The following ANK3 variants were observed in gnomAD, a reference collection of about 807,000 sequenced individuals.
ANK3 encodes the protein ankyrin-3.
ANK3 carries 57 observed loss-of-function variants against 370.9 expected under a neutral mutation model. That is an observed-to-expected ratio of 0.15 (90% CI 0.12 to 0.19). The LOEUF is 0.19. ANK3 is among the 10% of genes least tolerant of loss of function. The pLI, the probability that ANK3 is intolerant of heterozygous loss-of-function variation, is 1.00. For missense variants in ANK3, 4,439 were observed against 5,302.1 expected (o/e 0.84, Z 5.06); for synonymous variants, 1,929 against 1,946.3 (o/e 0.99, Z 0.23).
intron 4 of ANK3, among the ~76,000 whole-genome samples, chr10:60,272,089 T>TTGTGTGTG (rs5785433): frequency 6.9e-6 from 1 of 145,734 alleles, no homozygotes; most frequent in Non-Finnish European, 1.5e-5. Context: ...ACTGTGGGAT[T>TTGTGTGTG]TGTGTGTGTG....
intron 1 of ANK3, among the ~76,000 whole-genome samples, chr10:60,641,788 A>C (rs1191859903): frequency 7.9e-5 from 12 of 152,134 alleles, no homozygotes; most frequent in Non-Finnish European, 1.8e-4. Context: ...AATGGGATCT[A>C]ATTAAACTAA....
chr10:60,352,935 AAGAG>A (rs1453004224), intron 1 of ANK3, among the ~76,000 whole-genome samples: 1 of 152,248 alleles, frequency 6.6e-6, no homozygotes, highest in East Asian at 1.9e-4. Flanking sequence ...GGGATGGAGA[AAGAG>A]AGAGAATATG....
At chr10:60,495,042 T>C (rs535184402) in intron 2 of ANK3, among the ~76,000 whole-genome samples, 1 of 152,036 alleles carries the variant, frequency 6.6e-6, no homozygotes, top group African/African-American at 2.4e-5. Flanking sequence ...AGCCAGAACA[T>C]GTCATCGCTC....
intron 2 of ANK3, among the ~76,000 whole-genome samples, chr10:60,609,725 C>A (rs764347455): frequency 3.9e-5 from 6 of 152,098 alleles, no homozygotes; most frequent in Non-Finnish European, 7.4e-5. Context: ...CATATCATAA[C>A]CCATAATTGC....
chr10:60,383,307 C>T (rs2061798154), intron 1 of ANK3, among the ~76,000 whole-genome samples: 1 of 152,120 alleles, frequency 6.6e-6, no homozygotes, highest in South Asian at 2.1e-4. Context: ...TACTTTGTGC[C>T]AAGCACTGTT....
chr10:60,624,599 C>T (rs912581825), intron 1 of ANK3, among the ~76,000 whole-genome samples: 3 of 151,988 alleles, frequency 2.0e-5, no homozygotes, highest in African/African-American at 7.3e-5. Flanking sequence ...ACCTGAGGGT[C>T]GCCTTAGGAA....
chr10:60,475,059 C>T (rs2075025177), intron 2 of ANK3, among the ~76,000 whole-genome samples: 1 of 152,084 alleles, frequency 6.6e-6, no homozygotes, highest in Non-Finnish European at 1.5e-5. Context: ...AGCTACCATT[C>T]ACATCCAATC....
At chr10:60,604,243 T>C (rs1011956066) in intron 2 of ANK3, among the ~76,000 whole-genome samples, 3 of 152,178 alleles carry the variant, frequency 2.0e-5, no homozygotes, top group African/African-American at 4.8e-5. Flanking sequence ...CTTAATAAGA[T>C]AGTAGCAAAA....
At chr10:60,186,449 C>T (rs1283049951) in intron 17 of ANK3, among the ~76,000 whole-genome samples, 2 of 151,336 alleles carry the variant, frequency 1.3e-5, no homozygotes, top group Admixed American at 1.3e-4. Context: ...CTTCTGGGCT[C>T]GAGCAGTCTA....
At chr10:60,725,196 C>T (rs1001790493) in intron 1 of ANK3, among the ~76,000 whole-genome samples, 5 of 152,136 alleles carry the variant, frequency 3.3e-5, no homozygotes, top group Non-Finnish European at 7.4e-5. Context: ...GCACTATATT[C>T]TTAAAATCTA....
rs1401426766 is a variant in ANK3, at chr10:60,074,120, T to C, written c.6761A>G (p.Tyr2254Cys). The C allele has an allele frequency of 6.2e-7, 1 of 1,613,858 alleles. No homozygotes were observed. Among genetic ancestry groups the C allele is most frequent in the Non-Finnish European group, 8.5e-7 (1 of 1,179,956 alleles). Reference sequence around the variant, plus strand: ...ACCTTCACCGCCTGGTGGAGAATGATAAACCATTCTGGTGGTTGTGGTTAT... The same window carrying C: ...ACCTTCACCGCCTGGTGGAGAATGACAAACCATTCTGGTGGTTGTGGTTAT... ...THITTTTRMV[Y>C]HSPPGGEGAS... The change falls in exon 37 of 44, where the codon TAT (tyrosine) becomes TGT (cysteine). Residue 2254 changes from tyrosine (Y) to cysteine (C), a missense_variant. Tyr to Cys is a radical substitution (Grantham distance 194). This residue lies in a region of ANK3 where 1,601 missense variants were observed against 1,731.7 expected (regional missense o/e 0.92). Transcript: ENST00000280772.
intron 2 of ANK3, among the ~76,000 whole-genome samples, chr10:60,552,968 C>T (rs571029650): frequency 2.0e-5 from 3 of 152,286 alleles, no homozygotes; most frequent in Admixed American, 2.0e-4. Flanking sequence ...TGACTTGCTC[C>T]TCCTTGCCTT....
At chr10:60,589,837 T>G (rs892817709) in intron 2 of ANK3, among the ~76,000 whole-genome samples, 1 of 152,256 alleles carries the variant, frequency 6.6e-6, no homozygotes, top group African/African-American at 2.4e-5. Flanking sequence ...AAACTTCCTT[T>G]CAGTATTGCT....
intron 1 of ANK3, among the ~76,000 whole-genome samples, chr10:60,354,060 A>G (rs1299867450): frequency 6.6e-6 from 1 of 152,256 alleles, no homozygotes; most frequent in Non-Finnish European, 1.5e-5. Flanking sequence ...TTGAATAAAT[A>G]GCCCAGTTTT....
chr10:60,157,035 G>T (rs948073556), intron 23 of ANK3, among the ~76,000 whole-genome samples: 2 of 113,892 alleles, frequency 1.8e-5, no homozygotes, highest in African/African-American at 3.4e-5. Flanking sequence ...GAAGCTCAAT[G>T]AATCTTTTTT....
intron 1 of ANK3, among the ~76,000 whole-genome samples, chr10:60,324,350 G>T (rs1433167588): frequency 1.3e-5 from 2 of 152,184 alleles, no homozygotes; most frequent in Non-Finnish European, 2.9e-5. Context: ...TGGATCTCCA[G>T]TTTAAGATTT....
chr10:60,643,541 T>TATCTATCTATCTATCTATCC (rs1462477501), intron 1 of ANK3, among the ~76,000 whole-genome samples: 26 of 143,982 alleles, frequency 1.8e-4, no homozygotes, highest in South Asian at 2.2e-4. Context: ...TCTATCTATC[T>TATCTATCTATCTATCTATCC]ATCCATCCAT....
chr10:60,435,394 A>G (rs570006950), intron 2 of ANK3, among the ~76,000 whole-genome samples: 2 of 152,328 alleles, frequency 1.3e-5, no homozygotes, highest in South Asian at 4.1e-4. Flanking sequence ...TCTTACTTCC[A>G]GCACATTTTC....
intron 2 of ANK3, among the ~76,000 whole-genome samples, chr10:60,439,478 C>T (rs10761500): frequency 0.45 from 68,749 of 151,584 alleles, 16,378 homozygotes; most frequent in South Asian, 0.59. Flanking sequence ...GGCAACAACA[C>T]AGTGAGCCCT....
Sources: gnomAD v4.1 joint callset for allele counts (sites outside exome capture counted in the v4.1 genomes callset) on GRCh38, gnomAD v4.1.1 for gene constraint, gnomAD v4.1.1 regional missense constraint, MANE v1.5 for transcripts, NCBI Gene and HGNC (gene_info 2026-07-23, HGNC 2026-07-21) for gene names.